The following AFG3L2 variants were observed in gnomAD, a reference collection of about 807,000 sequenced individuals.
AFG3L2 encodes the protein mitochondrial inner membrane m-AAA protease component AFG3L2.
Under a neutral mutation model 94.5 loss-of-function variants are expected in AFG3L2, and 54 were observed. The ratio of observed to expected loss-of-function variants is 0.57; its 90% confidence interval spans 0.46 to 0.72. The LOEUF is 0.72. AFG3L2 is among the 30% of genes least tolerant of loss of function. The pLI is 0.00. For synonymous variants in AFG3L2, 377 were observed against 365.5 expected, an observed-to-expected ratio of 1.03 and a Z score of -0.36; for missense variants, 754 against 994.9, an observed-to-expected ratio of 0.76 and a Z score of 3.26.
At position 12,377,175 on chromosome 18, in the gene AFG3L2, AG is replaced by A. The variant is rs775932635; in HGVS notation, c.-94del. ...CGGGAAGCGGGCTCGGCTCGGGGAA[AG>A]GCCGCCAGGCAGCGAAGCGCGCCGG... is the stretch of plus-strand genomic sequence containing the variant. On this transcript the variant is annotated 5_prime_UTR_variant, in exon 1 of 17. Transcript: ENST00000269143. 2.5e-5 allele frequency: 25 copies of A among 1,000,892 alleles called. No individual in the cohort carries two copies. Among genetic ancestry groups the A allele is most frequent in the Admixed American group, 1.1e-4 (4 of 35,972 alleles). 62.0% of individuals were successfully genotyped at this position (1,000,892 alleles called of 1,614,324 possible).
rs1343649342 is a variant in AFG3L2, at chr18:12,348,089, A to AAGAAGGAGG, written c.1663+175_1663+183dup. Among the ~76,000 whole-genome samples the AAGAAGGAGG allele has an allele frequency of 9.6e-4, 146 of 152,238 alleles. 1 individual carries two copies. The highest frequency in any genetic ancestry group is 3.4e-3 in the African/African-American group (142 of 41,534). On this transcript the variant is annotated intron_variant, in intron 13 of 16. Coordinates refer to ENST00000269143, the MANE Select transcript of AFG3L2 (RefSeq NM_006796.3). ...GCAGGTGGCAGGGGACGGTGGCAGG[A>AAGAAGGAGG]AGAAGGAGGAGAGGGAGGAGAGGCA...
intron 1 of AFG3L2, among the ~76,000 whole-genome samples, chr18:12,375,533 C>T (rs1008072190): frequency 1.3e-4 from 19 of 148,928 alleles, no homozygotes; most frequent in Non-Finnish European, 2.1e-4. Flanking sequence ...CCAGCCTGGG[C>T]AACTGGGCAA....
At chr18:12,338,146 A>G (rs1907814699) in intron 15 of AFG3L2, among the ~76,000 whole-genome samples, 1 of 152,158 alleles carries the variant, frequency 6.6e-6, no homozygotes, top group African/African-American at 2.4e-5. Context: ...ATCATAGCTC[A>G]CTGCAGCTTT....
chr18:12,333,094 T>C (rs1375061909), intron 16 of AFG3L2, among the ~76,000 whole-genome samples: 1 of 100,296 alleles, frequency 1.0e-5, no homozygotes, highest in African/African-American at 4.0e-5. Flanking sequence ...TAATAGATTA[T>C]AATCTATTAT....
chr18:12,365,779 G>C (rs1406605366), intron 5 of AFG3L2, among the ~76,000 whole-genome samples: 1 of 151,942 alleles, frequency 6.6e-6, no homozygotes, highest in Non-Finnish European at 1.5e-5. Flanking sequence ...TCCATTTCAT[G>C]GATGAAAACC....
chr18:12,345,663 G>A lies in AFG3L2; in HGVS notation c.1664-1416C>T, dbSNP rs890147938. Among the ~76,000 whole-genome samples the A allele has an allele frequency of 3.9e-5, 6 of 152,070 alleles. 1 individual carries two copies. The highest frequency in any genetic ancestry group is 1.9e-4 in the East Asian group (1 of 5,194). On this transcript the variant is annotated intron_variant, in intron 13 of 16. Transcript: ENST00000269143. ...TATCTCACTACACAACACTGCCTGC[G>A]GGGCCCAGCAGCTGCCTCAGAGCAA...
In AFG3L2 at chr18:12,352,211, C is replaced by T. The variant is rs1237509172; in HGVS notation, c.1318+794G>A. Reference sequence around the variant, plus strand: ...GCCCTTCACCCTCAGGACCCTGGCACGGCAGGAGCTCCTGGGTGAATTTCC... The same window carrying T: ...GCCCTTCACCCTCAGGACCCTGGCATGGCAGGAGCTCCTGGGTGAATTTCC... On this transcript the variant is annotated intron_variant, in intron 10 of 16. Transcript: ENST00000269143. Among the ~76,000 whole-genome samples, 4 of 152,164 alleles carry T rather than the reference C, an allele frequency of 2.6e-5. No individual in the cohort carries two copies. In the East Asian group the frequency reaches 5.8e-4, roughly 22 times the overall value.
At chr18:12,364,615 C>CT (rs1908753804) in intron 5 of AFG3L2, among the ~76,000 whole-genome samples, 1 of 152,158 alleles carries the variant, frequency 6.6e-6, no homozygotes, top group Non-Finnish European at 1.5e-5. Context: ...TTTTGTCACT[C>CT]TATAAATATA....
intron 16 of AFG3L2, among the ~76,000 whole-genome samples, chr18:12,331,254 G>A (rs918192623): frequency 2.6e-5 from 4 of 152,124 alleles, no homozygotes; most frequent in South Asian, 4.1e-4. Context: ...CAGGTGTAGC[G>A]CACTCTGATG....
intron 10 of AFG3L2, 103 bp from the exon 11 acceptor site, chr18:12,351,516 A>C: frequency 1.0e-6 from 1 of 994,454 alleles, no homozygotes; most frequent in African/African-American, 1.6e-5. Context: ...AGCTACAGTA[A>C]ACACATTTTC....
intron 1 of AFG3L2, among the ~76,000 whole-genome samples, chr18:12,373,219 T>C (rs1032585682): frequency 6.6e-6 from 1 of 152,194 alleles, no homozygotes; most frequent in African/African-American, 2.4e-5. Flanking sequence ...ACAGGAACAC[T>C]TGGCCTATGA....
intron 6 of AFG3L2, among the ~76,000 whole-genome samples, chr18:12,361,206 C>A (rs1282998247): frequency 6.6e-6 from 1 of 152,162 alleles, no homozygotes; most frequent in African/African-American, 2.4e-5. Flanking sequence ...ACTGTCTCTA[C>A]TAAAACTACA....
chr18:12,348,698 C>A (rs753149721), intron 12 of AFG3L2, among the ~76,000 whole-genome samples: 7 of 152,184 alleles, frequency 4.6e-5, no homozygotes, highest in Non-Finnish European at 7.3e-5. Flanking sequence ...TAAAAATGCT[C>A]ATTTAAATAA....
chr18:12,334,065 G>A (rs530505696), intron 16 of AFG3L2, among the ~76,000 whole-genome samples: 2 of 152,204 alleles, frequency 1.3e-5, no homozygotes, highest in African/African-American at 4.8e-5. Flanking sequence ...ACAGGTGTTG[G>A]GTGAATGCTG....
At chr18:12,362,901 G>A (rs375312828) in intron 6 of AFG3L2, among the ~76,000 whole-genome samples, 16 of 152,182 alleles carry the variant, frequency 1.1e-4, no homozygotes, top group African/African-American at 9.7e-5. Context: ...GTTGCCTACC[G>A]GCCTCATGAG....
At position 12,358,826 on chromosome 18, in the gene AFG3L2, A is replaced by T. The variant is rs779115725; in HGVS notation, c.870T>A (p.Ser290Arg). Residue 290 changes from serine (S) to arginine (R), a missense_variant, in exon 8 of 17, where the codon AGT becomes AGA. By Grantham distance (110) the Ser-to-Arg change is moderately radical. This residue lies in a region of AFG3L2 where 130 missense variants were observed against 175.1 expected (regional missense o/e 0.74). Transcript: ENST00000269143. ...RTGRGMGGLF[S>R]VGETTAKVLK... ...AGACCTTGGCAGTGGTTTCTCCGAC[A>T]CTGAAGAGTCCGCCCATCCCTCGGC... 6.2e-7 allele frequency: 1 copy of T among 1,614,260 alleles called. No individual in the cohort carries two copies. Among genetic ancestry groups the T allele is most frequent in the East Asian group, 2.2e-5 (1 of 44,888 alleles).
chr18:12,354,136 C>G (rs537367976), intron 9 of AFG3L2, among the ~76,000 whole-genome samples: 21 of 125,522 alleles, frequency 1.7e-4, no homozygotes, highest in East Asian at 8.1e-4. Context: ...ACTCCCACCC[C>G]CCCCCCCCCA....
chr18:12,371,442 T>C, intron 2 of AFG3L2, 150 bp downstream of exon 2: 1 of 694,370 alleles, frequency 1.4e-6, no homozygotes, highest in East Asian at 2.7e-5. Context: ...GCATATCAAT[T>C]TCATTATCTA....
In AFG3L2 at chr18:12,329,520, G is replaced by A; in HGVS notation, c.*45C>T. The A allele has an allele frequency of 6.3e-7, 1 of 1,583,868 alleles. No homozygotes were observed. The highest frequency in any genetic ancestry group is 8.7e-7 in the Non-Finnish European group (1 of 1,153,822). On this transcript the variant is annotated 3_prime_UTR_variant, in exon 17 of 17. Coordinates refer to ENST00000269143, the MANE Select transcript of AFG3L2 (RefSeq NM_006796.3). ...AAGCCACAGCTGAAATAATGCACCA[G>A]CTGAAACCACAGTGGACAGACTGAG...
Sources: allele counts gnomAD v4.1 joint callset (sites outside exome capture counted in the v4.1 genomes callset), GRCh38; gene constraint gnomAD v4.1.1; regional missense constraint gnomAD v4.1.1; transcripts MANE v1.5; gene names NCBI Gene and HGNC (gene_info 2026-07-23, HGNC 2026-07-21).